Variants in ARHGAP6 observed in about 807,000 individuals in gnomAD.
ARHGAP6 encodes the protein rho GTPase-activating protein 6.
ARHGAP6 carries 16 observed loss-of-function variants against 55.7 expected under a neutral mutation model. That is an observed-to-expected ratio of 0.29 (90% CI 0.19 to 0.44). The LOEUF (loss-of-function observed/expected upper bound fraction) is 0.44, where lower values mean the gene tolerates loss of function less well. Ranked by LOEUF, ARHGAP6 falls within the 20% of genes least tolerant of loss-of-function variation. The pLI, the probability that ARHGAP6 is intolerant of heterozygous loss-of-function variation, is 1.00. For missense variants in ARHGAP6, 698 were observed against 808.9 expected (o/e 0.86, Z 1.66); for synonymous variants, 382 against 360.9 (o/e 1.06, Z -0.66).
intron 1 of ARHGAP6, among the ~76,000 whole-genome samples, chrX:11,491,836 T>A (rs1299323693): frequency 1.8e-5 from 2 of 109,306 alleles, no homozygotes; most frequent in Admixed American, 2.0e-4. Context: ...ACCAACAGTG[T>A]AAAAGTGTTC....
rs1462977977 is a variant in ARHGAP6 at position 11,590,851 on chromosome X, GAAAAGAAAAGA to G, written c.588+73379_588+73389del. On this transcript the variant is annotated intron_variant, in intron 1 of 12. Transcript: ENST00000337414. ...GAAAAGAAAAGAAAAGAAAAGAAAAGAAAAGAAAAGAAAAGAAGGAAAGAAAGAAAGAAAGA... is the reference window on the plus strand; with the variant it reads ...GAAAAGAAAAGAAAAGAAAAGAAAAGAAAGAAGGAAAGAAAGAAAGAAAGA... 1.2e-3 allele frequency among the ~76,000 whole-genome samples: 32 copies of G among 26,308 alleles called. 5 individuals are homozygous for G. Among genetic ancestry groups the G allele is most frequent in the African/African-American group, 7.2e-3 (30 of 4,178 alleles). 22.8% of individuals were successfully genotyped at this position (26,308 alleles called of 115,157 possible).
At chrX:11,506,157 G>C (rs190741593) in intron 1 of ARHGAP6, among the ~76,000 whole-genome samples, 1 of 111,557 alleles carries the variant, frequency 9.0e-6, no homozygotes, top group Non-Finnish European at 1.9e-5. Flanking sequence ...AGTCAGAAGC[G>C]TTTGCTTCTT....
In ARHGAP6 at chrX:11,372,571, G is replaced by A. The variant is rs779057418; in HGVS notation, c.589-117864C>T. ...GTGGATTACGAGGTCAGGAGATGGAGACCATCCTGGCTAACACGGTGAAAC... is the reference window on the plus strand; with the variant it reads ...GTGGATTACGAGGTCAGGAGATGGAAACCATCCTGGCTAACACGGTGAAAC... On this transcript the variant is annotated intron_variant, in intron 1 of 12. Transcript: ENST00000337414. 2.7e-5 allele frequency among the ~76,000 whole-genome samples: 3 copies of A among 109,255 alleles called. No homozygotes were observed. In the East Asian group the frequency reaches 8.6e-4, roughly 31 times the overall value. 94.9% of individuals were successfully genotyped at this position (109,255 alleles called of 115,157 possible).
chrX:11,156,768 T>G lies in ARHGAP6; in HGVS notation c.1810-142A>C, dbSNP rs868640768. On this transcript the variant is annotated intron_variant, in intron 9 of 12. Transcript: ENST00000337414. The stretch of plus-strand genomic sequence containing the variant: ...ATGATTTGCTGGTTAAAACCAAACC[T>G]ACGCCAACCCATGCAGCTGCTTTAA... 8 of 458,736 alleles carry G rather than the reference T, an allele frequency of 1.7e-5. No homozygotes were observed. In the Middle Eastern group the frequency reaches 2.3e-3, roughly 134 times the overall value. 37.8% of individuals were successfully genotyped at this position (458,736 alleles called of 1,213,427 possible).
chrX:11,268,020 C>A (rs1602989588), intron 1 of ARHGAP6, among the ~76,000 whole-genome samples: 1 of 112,127 alleles, frequency 8.9e-6, no homozygotes, highest in East Asian at 2.8e-4. Flanking sequence ...GCACAATGGT[C>A]ATTTTTTTCC....
At position 11,180,785 on chromosome X, in the gene ARHGAP6, C is replaced by A. The variant is rs746980630; in HGVS notation, c.1329+1278G>T. ...CACTGTCCTGAACTACTCATTGATT[C>A]CAGACAGCACGCCATCAGCGTGTGT... On this transcript the variant is annotated intron_variant, in intron 6 of 12. Coordinates refer to ENST00000337414, the MANE Select transcript of ARHGAP6 (RefSeq NM_013427.3). Among the ~76,000 whole-genome samples, 3 of 112,150 alleles carry A rather than the reference C, an allele frequency of 2.7e-5. No individual in the cohort carries two copies. The South Asian group carries it at 1.1e-3, about 42-fold the overall frequency.
chrX:11,511,971 T>C (rs758641938), intron 1 of ARHGAP6, among the ~76,000 whole-genome samples: 5 of 110,895 alleles, frequency 4.5e-5, no homozygotes, highest in Middle Eastern at 4.6e-3. Context: ...GGACTACAGG[T>C]GCCTGCCACC....
intron 1 of ARHGAP6, among the ~76,000 whole-genome samples, chrX:11,476,386 G>A (rs1312996785): frequency 9.0e-6 from 1 of 111,017 alleles, no homozygotes; most frequent in African/African-American, 3.3e-5. Context: ...ATATTACTGA[G>A]GAAAGAAAAA....
intron 1 of ARHGAP6, among the ~76,000 whole-genome samples, chrX:11,594,857 T>C (rs1368119851): frequency 8.9e-6 from 1 of 112,307 alleles, no homozygotes; most frequent in Admixed American, 9.4e-5. Context: ...ACCTGTAGTT[T>C]TCAATATTGC....
intron 1 of ARHGAP6, among the ~76,000 whole-genome samples, chrX:11,274,750 A>G (rs2047735963): frequency 9.0e-6 from 1 of 110,992 alleles, no homozygotes; most frequent in African/African-American, 3.3e-5. Flanking sequence ...CCCAGCATGT[A>G]TTAGCTATTT....
chrX:11,211,833 G>A lies in ARHGAP6; in HGVS notation c.749-14837C>T, dbSNP rs1051632799. On this transcript the variant is annotated intron_variant, in intron 2 of 12. Coordinates refer to ENST00000337414, the MANE Select transcript of ARHGAP6 (RefSeq NM_013427.3). The stretch of plus-strand genomic sequence containing the variant: ...TGGGATTACAGGTGTGCGCCACCTC[G>A]CCCAGCTGGGAACAGTTTTTAAAAA... 4.5e-5 allele frequency among the ~76,000 whole-genome samples: 5 copies of A among 112,138 alleles called. No homozygotes were observed. In the Admixed American group the frequency reaches 4.7e-4, roughly 11 times the overall value.
intron 3 of ARHGAP6, among the ~76,000 whole-genome samples, chrX:11,195,959 CAAAAAAAA>C (rs1024986729): frequency 1.2e-4 from 1 of 8,413 alleles, no homozygotes; most frequent in Non-Finnish European, 2.5e-4. Flanking sequence ...ACTAAAAATA[CAAAAAAAA>C]AAAAAAAAAA....
At chrX:11,429,021 A>C (rs2049917447) in intron 1 of ARHGAP6, among the ~76,000 whole-genome samples, 1 of 111,847 alleles carries the variant, frequency 8.9e-6, no homozygotes, top group Non-Finnish European at 1.9e-5. Flanking sequence ...CAGAATGCTC[A>C]TACTGTGTTG....
intron 2 of ARHGAP6, among the ~76,000 whole-genome samples, chrX:11,233,331 A>G (rs2047158922): frequency 9.0e-6 from 1 of 111,694 alleles, no homozygotes; most frequent in Non-Finnish European, 1.9e-5. Flanking sequence ...TCACACAACA[A>G]TTGCACTGAT....
chrX:11,646,947 A>G (rs997165687), intron 1 of ARHGAP6, among the ~76,000 whole-genome samples: 1 of 112,289 alleles, frequency 8.9e-6, no homozygotes, highest in Non-Finnish European at 1.9e-5. Flanking sequence ...TAATTAGTGA[A>G]TATCATACAA....
At chrX:11,144,445 C>G (rs2045662400) in intron 10 of ARHGAP6, among the ~76,000 whole-genome samples, 197 bp from the exon 11 acceptor site, 1 of 112,055 alleles carries the variant, frequency 8.9e-6, no homozygotes, top group Non-Finnish European at 1.9e-5. Flanking sequence ...CAGCAGAGGG[C>G]AGTAAAACCC....
chrX:11,460,370 C>T (rs2050232615), intron 1 of ARHGAP6, among the ~76,000 whole-genome samples: 2 of 111,275 alleles, frequency 1.8e-5, no homozygotes, highest in Admixed American at 1.9e-4. Context: ...GGAAGAGGAT[C>T]CTGAGCTGAA....
chrX:11,348,351 A>G (rs2048814431), intron 1 of ARHGAP6, among the ~76,000 whole-genome samples: 1 of 112,170 alleles, frequency 8.9e-6, no homozygotes, highest in Non-Finnish European at 1.9e-5. Flanking sequence ...GGGAAGTACA[A>G]ATGTAAAAGG....
intron 1 of ARHGAP6, chrX:11,427,818 G>GGAGGAA (rs1569340612): frequency 9.4e-6 from 2 of 212,370 alleles, no homozygotes; most frequent in African/African-American, 5.3e-4. Flanking sequence ...AGGGGGAAGA[G>GGAGGAA]GAGGAGGAGG....
Sources: allele counts gnomAD v4.1 joint callset (sites outside exome capture counted in the v4.1 genomes callset), GRCh38; gene constraint gnomAD v4.1.1; transcripts MANE v1.5; gene names NCBI Gene and HGNC (gene_info 2026-07-23, HGNC 2026-07-21).